KAZN: variants seen among roughly 807,000 people sequenced by gnomAD.
KAZN encodes the protein kazrin, periplakin interacting protein.
A neutral mutation model predicts 87.4 loss-of-function variants in KAZN; 40 were observed. That is an observed-to-expected ratio of 0.46 (90% CI 0.36 to 0.60). The LOEUF is 0.60. KAZN is among the 20% of genes least tolerant of loss of function. The pLI is 0.00. For missense variants in KAZN, 898 were observed against 1,073.9 expected (o/e 0.84, Z 2.29); for synonymous variants, 466 against 458.3 (o/e 1.02, Z -0.22).
chr1:14,002,833 G>A (rs2101151349), intron 1 of KAZN, among the ~76,000 whole-genome samples: 1 of 152,224 alleles, frequency 6.6e-6, no homozygotes, highest in Non-Finnish European at 1.5e-5. Context: ...AATATCATAT[G>A]ACCCAGCAAA....
At chr1:14,522,472 C>G (rs1671636912) in intron 2 of KAZN, among the ~76,000 whole-genome samples, 1 of 152,112 alleles carries the variant, frequency 6.6e-6, no homozygotes, top group African/African-American at 2.4e-5. Flanking sequence ...TATCAAGGAG[C>G]CAGCTCTTCC....
intron 1 of KAZN, among the ~76,000 whole-genome samples, chr1:14,127,528 C>T (rs1644900681): frequency 6.6e-6 from 1 of 151,892 alleles, no homozygotes; most frequent in Admixed American, 6.6e-5. Context: ...GTATTTCCCA[C>T]TTGGGAAATT....
chr1:14,024,665 A>G (rs1640990623), intron 1 of KAZN, among the ~76,000 whole-genome samples: 1 of 152,270 alleles, frequency 6.6e-6, no homozygotes, highest in South Asian at 2.1e-4. Flanking sequence ...GTGGCACTCA[A>G]AGCAGATTCA....
intron 1 of KAZN, among the ~76,000 whole-genome samples, chr1:14,136,516 T>C (rs962680790): frequency 3.9e-5 from 6 of 152,108 alleles, no homozygotes; most frequent in African/African-American, 1.4e-4. Flanking sequence ...AGGACATCAG[T>C]GGCAAAATCC....
chr1:14,906,177 TATAATA>T (rs869163308), intron 1 of KAZN, among the ~76,000 whole-genome samples: 232 of 33,490 alleles, frequency 6.9e-3, no homozygotes, highest in African/African-American at 0.015. Flanking sequence ...AAAAATATAT[TATAATA>T]ATAATAATAA....
At chr1:14,496,122 C>T (rs1270085991) in intron 2 of KAZN, among the ~76,000 whole-genome samples, 1 of 152,146 alleles carries the variant, frequency 6.6e-6, no homozygotes. Flanking sequence ...GAAGAAAGAT[C>T]CTTGTTGCCA....
At chr1:13,975,878 G>C (rs540811570) in intron 1 of KAZN, among the ~76,000 whole-genome samples, 3 of 152,336 alleles carry the variant, frequency 2.0e-5, no homozygotes, top group Middle Eastern at 3.4e-3. Context: ...GCTTCTGAAA[G>C]GTGTTTTGAT....
chr1:14,375,184 T>C (rs1340291378), intron 2 of KAZN, among the ~76,000 whole-genome samples: 1 of 152,202 alleles, frequency 6.6e-6, no homozygotes, highest in Non-Finnish European at 1.5e-5. Flanking sequence ...TTGTTATGAA[T>C]TCAGCACACT....
Position 14,856,257 on chromosome 1 carries a change from C to A in KAZN, c.227-104427C>A, listed in dbSNP as rs765063620. Among the ~76,000 whole-genome samples the A allele has an allele frequency of 2.4e-4, 37 of 152,150 alleles. No homozygotes were observed. The highest frequency in any genetic ancestry group is 4.6e-4 in the Non-Finnish European group (31 of 68,036). On this transcript the variant is annotated intron_variant, in intron 1 of 14. Coordinates refer to ENST00000376030, the MANE Select transcript of KAZN (RefSeq NM_201628.3). This position sits in a 1 kb window ranked among gnomAD's most constrained non-coding sequence, Gnocchi z 5.2. ...GACCAGAAATAACTTTCCCCACGTG[C>A]ATTATTAAGTGAATGTGAAGAATAC...
intron 1 of KAZN, among the ~76,000 whole-genome samples, chr1:14,118,017 G>A (rs762344000): frequency 1.3e-5 from 2 of 152,182 alleles, no homozygotes; most frequent in African/African-American, 4.8e-5. Flanking sequence ...GCTGCCTCTG[G>A]AACCTAATCC....
In KAZN at chr1:14,738,779, G is replaced by T. The variant is rs1051058915; in HGVS notation, c.226+139556G>T. ...AAAAAAATCCCCGTGAAGTGAGGAT[G>T]ACGATTCACATTTTACAGGACAGGA... is the stretch of plus-strand genomic sequence containing the variant. On this transcript the variant is annotated intron_variant, in intron 1 of 14. Transcript: ENST00000376030. Among the ~76,000 whole-genome samples, 3 of 152,166 alleles carry T rather than the reference G, an allele frequency of 2.0e-5. No homozygotes were observed. In the South Asian group the frequency reaches 6.2e-4, roughly 32 times the overall value.
chr1:14,661,112 A>G (rs1639142817), intron 1 of KAZN, among the ~76,000 whole-genome samples: 1 of 152,182 alleles, frequency 6.6e-6, no homozygotes, highest in African/African-American at 2.4e-5. Flanking sequence ...TGTCACAAAA[A>G]TTCTGTGAGG....
At chr1:14,045,050 G>A (rs1017266113) in intron 1 of KAZN, among the ~76,000 whole-genome samples, 3 of 152,130 alleles carry the variant, frequency 2.0e-5, no homozygotes, top group African/African-American at 7.2e-5. Context: ...AAAAGAGAGA[G>A]GCCAAGGAGC....
chr1:14,917,089 A>G (rs1232295051), intron 1 of KAZN, among the ~76,000 whole-genome samples: 1 of 152,066 alleles, frequency 6.6e-6, no homozygotes, highest in East Asian at 1.9e-4. Context: ...GGAGATCAGG[A>G]TTTCTGCCAG....
At chr1:14,409,587 T>C (rs1664139222) in intron 2 of KAZN, among the ~76,000 whole-genome samples, 1 of 152,270 alleles carries the variant, frequency 6.6e-6, no homozygotes, top group Non-Finnish European at 1.5e-5. Flanking sequence ...AACAGTGATA[T>C]CCATGGGGAA....
intron 1 of KAZN, among the ~76,000 whole-genome samples, chr1:14,847,202 T>C (rs1163305905): frequency 3.9e-5 from 6 of 152,350 alleles, no homozygotes; most frequent in Admixed American, 3.9e-4. Context: ...GTCGGATTTA[T>C]GCCGCACACT....
chr1:14,269,188 T>C (rs1651727157), intron 2 of KAZN, among the ~76,000 whole-genome samples: 1 of 152,138 alleles, frequency 6.6e-6, no homozygotes, highest in Non-Finnish European at 1.5e-5. Context: ...GATTTAGATA[T>C]TACAATTTCA....
intron 1 of KAZN, among the ~76,000 whole-genome samples, chr1:14,109,479 T>C (rs1570757734): frequency 6.6e-6 from 1 of 152,300 alleles, no homozygotes; most frequent in East Asian, 1.9e-4. Flanking sequence ...CTGAGTTCCT[T>C]AGCTTAGTTT....
At chr1:14,468,326 C>T (rs1325005277) in intron 2 of KAZN, among the ~76,000 whole-genome samples, 1 of 152,118 alleles carries the variant, frequency 6.6e-6, no homozygotes, top group African/African-American at 2.4e-5. Flanking sequence ...AAAATGGAAC[C>T]TCACATCAAG....
Sources: gnomAD v4.1 joint callset for allele counts (sites outside exome capture counted in the v4.1 genomes callset) on GRCh38, gnomAD v4.1.1 for gene constraint, Gnocchi (gnomAD v3.1) non-coding constraint, MANE v1.5 for transcripts, NCBI Gene and HGNC (gene_info 2026-07-23, HGNC 2026-07-21) for gene names.